TSC22D3: variants seen among roughly 807,000 people sequenced by gnomAD.
TSC22D3 encodes the protein TSC22 domain family protein 3.
A neutral mutation model predicts 11.1 loss-of-function variants in TSC22D3; 4 were observed. The ratio of observed to expected loss-of-function variants is 0.36; its 90% CI spans 0.18 to 0.83. TSC22D3 has a LOEUF of 0.83. TSC22D3 is among the 40% of genes least tolerant of loss of function. The pLI, the probability that TSC22D3 is intolerant of heterozygous loss-of-function variation, is 0.48. For missense variants in TSC22D3, 118 were observed against 159.4 expected, an observed-to-expected ratio of 0.74 and a Z score of 1.40; for synonymous variants, 77 against 70.3, an observed-to-expected ratio of 1.10 and a Z score of -0.48.
intron 1 of TSC22D3, chrX:107,716,909 C>T: frequency 8.6e-7 from 1 of 1,156,132 alleles, no homozygotes; most frequent in East Asian, 3.1e-5. Context: ...CTGGGCTCTG[C>T]GCTGGAGTCC....
intron 1 of TSC22D3, among the ~76,000 whole-genome samples, chrX:107,738,888 G>A (rs1928264999): frequency 1.8e-5 from 2 of 110,337 alleles, no homozygotes; most frequent in Admixed American, 1.9e-4. Flanking sequence ...TGTCAGAGCC[G>A]GATGCAAACG....
intron 1 of TSC22D3, among the ~76,000 whole-genome samples, chrX:107,723,291 T>A (rs1390538275): frequency 1.8e-5 from 2 of 112,320 alleles, no homozygotes; most frequent in African/African-American, 3.2e-5. Context: ...CTTCCTTAAC[T>A]GCAGGGCTTT....
intron 1 of TSC22D3, among the ~76,000 whole-genome samples, chrX:107,758,637 T>C (rs1477138341): frequency 1.8e-5 from 2 of 111,685 alleles, no homozygotes; most frequent in African/African-American, 3.3e-5. Context: ...TCTCTCTTTG[T>C]AGATTCGCTT....
intron 1 of TSC22D3, among the ~76,000 whole-genome samples, chrX:107,731,129 G>A (rs1927859251): frequency 8.9e-6 from 1 of 112,422 alleles, no homozygotes; most frequent in Admixed American, 9.4e-5. Flanking sequence ...AGTCATACGT[G>A]GGGGATGGTA....
intron 1 of TSC22D3, among the ~76,000 whole-genome samples, chrX:107,717,354 G>T (rs1229871179): frequency 8.9e-6 from 1 of 112,695 alleles, no homozygotes; most frequent in South Asian, 3.6e-4. Flanking sequence ...AACAGCGCTA[G>T]TTTGAAAAGC....
intron 1 of TSC22D3, among the ~76,000 whole-genome samples, chrX:107,725,531 C>T (rs1355451312): frequency 2.7e-5 from 3 of 111,986 alleles, no homozygotes; most frequent in Non-Finnish European, 5.6e-5. Context: ...CCCTATGGTG[C>T]CAGGGGCACT....
intron 1 of TSC22D3, among the ~76,000 whole-genome samples, chrX:107,758,517 T>G (rs886666729): frequency 1.3e-4 from 15 of 111,694 alleles, no homozygotes; most frequent in Non-Finnish European, 2.1e-4. Flanking sequence ...TAGCTGTATA[T>G]AGCAGCAGTC....
intron 1 of TSC22D3, chrX:107,716,985 T>G: frequency 1.1e-5 from 12 of 1,046,313 alleles, no homozygotes; most frequent in Non-Finnish European, 1.5e-5. Flanking sequence ...GCGCTCCAGC[T>G]GGAGTTGAAG....
chrX:107,769,307 C>G (rs1257062919), intron 1 of TSC22D3, among the ~76,000 whole-genome samples: 1 of 112,617 alleles, frequency 8.9e-6, no homozygotes, highest in Non-Finnish European at 1.9e-5. Context: ...GAATTTTATT[C>G]AGCCATAAAA....
At chrX:107,714,810 C>G in intron 2 of TSC22D3, 61 bp from the exon 3 acceptor site, 1 of 1,084,309 alleles carries the variant, frequency 9.2e-7, no homozygotes, top group Non-Finnish European at 1.3e-6. Context: ...TCTGCAGCAC[C>G]TTTGCTCTGT....
intron 1 of TSC22D3, among the ~76,000 whole-genome samples, chrX:107,739,122 A>C (rs1208707129): frequency 8.8e-6 from 1 of 113,240 alleles, no homozygotes; most frequent in Non-Finnish European, 1.9e-5. Flanking sequence ...CCTGCAGCTG[A>C]CATGCTGCTG....
intron 1 of TSC22D3, among the ~76,000 whole-genome samples, chrX:107,724,650 G>A (rs144148907): frequency 0.013 from 1,499 of 112,323 alleles, 23 homozygotes; most frequent in African/African-American, 0.046. Context: ...TGGCCTCTGC[G>A]CTCTCTGACA....
chrX:107,749,284 G>C lies in TSC22D3; in HGVS notation c.320+25816C>G. The stretch of plus-strand genomic sequence containing the variant: ...CCCAGCTACTCAGGAGCTGAGGCAG[G>C]AGATTGATTGAACCTGGGAGGCAGA... On this transcript the variant is annotated intron_variant, in intron 1 of 2. Transcript: ENST00000372383. Among the ~76,000 whole-genome samples, 4 of 110,636 alleles carry C rather than the reference G, an allele frequency of 3.6e-5. No homozygotes were observed. The East Asian group carries it at 1.1e-3, about 31-fold the overall frequency.
At chrX:107,756,704 A>G (rs1196610768) in intron 1 of TSC22D3, among the ~76,000 whole-genome samples, 1 of 112,685 alleles carries the variant, frequency 8.9e-6, no homozygotes, top group Non-Finnish European at 1.9e-5. Flanking sequence ...GGGGTTTGCA[A>G]CAGAACACAA....
In TSC22D3 at chrX:107,775,652, G is replaced by T; in HGVS notation, c.-233C>A. The T allele has an allele frequency of 3.3e-6, 1 of 302,555 alleles. No homozygotes were observed. The highest frequency in any genetic ancestry group is 5.8e-6 in the Non-Finnish European group (1 of 173,367). 24.9% of individuals were successfully genotyped at this position (302,555 alleles called of 1,213,427 possible). On this transcript the variant is annotated 5_prime_UTR_variant, in exon 1 of 3. Coordinates refer to ENST00000372383, the MANE Select transcript of TSC22D3 (RefSeq NM_198057.3). Reference sequence around the variant, plus strand: ...AAACAGCTCCGAGCGGATCCTTCGGGCTCACTTCCTCCTCTTCCTCCTTCT... The same window carrying T: ...AAACAGCTCCGAGCGGATCCTTCGGTCTCACTTCCTCCTCTTCCTCCTTCT...
chrX:107,734,845 C>T (rs1020305518), intron 1 of TSC22D3, among the ~76,000 whole-genome samples: 5 of 89,045 alleles, frequency 5.6e-5, no homozygotes, highest in African/African-American at 2.4e-4. Flanking sequence ...GCACTTTTCA[C>T]GCATTATTTT....
rs755637738 is a variant in TSC22D3, at chrX:107,726,992, C to CAGCCA, written c.321-11047_321-11043dup. 3.6e-5 allele frequency among the ~76,000 whole-genome samples: 4 copies of CAGCCA among 111,906 alleles called. No individual in the cohort carries two copies. In the Admixed American group the frequency reaches 3.8e-4, roughly 11 times the overall value. On this transcript the variant is annotated intron_variant, in intron 1 of 2. Coordinates refer to ENST00000372383, the MANE Select transcript of TSC22D3 (RefSeq NM_198057.3). ...TAAAGTAAATATGGAAACCGAGGAACAGCCAAGTATAGACAGTTACTAGCT... is the reference window on the plus strand; with the variant it reads ...TAAAGTAAATATGGAAACCGAGGAACAGCCAAGCCAAGTATAGACAGTTACTAGCT...
intron 1 of TSC22D3, among the ~76,000 whole-genome samples, chrX:107,758,565 T>C (rs1019055314): frequency 9.0e-6 from 1 of 111,477 alleles, no homozygotes; most frequent in Non-Finnish European, 1.9e-5. Context: ...CATGCAACAG[T>C]GGGCCTGGTG....
chrX:107,717,197 G>A, intron 1 of TSC22D3: 4 of 532,091 alleles, frequency 7.5e-6, no homozygotes, highest in Non-Finnish European at 9.4e-6. Flanking sequence ...ACCTTAGGCT[G>A]GGACTGTAAA....
Sources: gnomAD v4.1 joint callset for allele counts (sites outside exome capture counted in the v4.1 genomes callset) on GRCh38, gnomAD v4.1.1 for gene constraint, MANE v1.5 for transcripts, NCBI Gene and HGNC (gene_info 2026-07-23, HGNC 2026-07-21) for gene names.